Variants in NSMCE1 observed in about 807,000 individuals in gnomAD.
The protein encoded by NSMCE1 is non-structural maintenance of chromosomes element 1 homolog.
In NSMCE1, 18 loss-of-function variants were observed where a neutral mutation model predicts 29.6. That is an observed-to-expected ratio of 0.61 (90% CI 0.42 to 0.90). The LOEUF is 0.90. NSMCE1 is among the 40% of genes least tolerant of loss of function. The pLI is 0.00. For missense variants in NSMCE1, 314 were observed against 343.6 expected (o/e 0.91, Z 0.68); for synonymous variants, 124 against 133.4 (o/e 0.93, Z 0.49).
chr16:27,234,939 GC>G (rs2083802698), intron 3 of NSMCE1, among the ~76,000 whole-genome samples: 1 of 152,196 alleles, frequency 6.6e-6, no homozygotes, highest in African/African-American at 2.4e-5. Context: ...ACCACTGAAG[GC>G]CCCACCCACA....
intron 2 of NSMCE1, among the ~76,000 whole-genome samples, chr16:27,249,890 T>C (rs1464514793): frequency 1.3e-5 from 2 of 152,250 alleles, no homozygotes; most frequent in Admixed American, 6.5e-5. Flanking sequence ...TCCCAGCCCA[T>C]GAACATGCTA....
chr16:27,232,797 A>G lies in NSMCE1; in HGVS notation c.483+204T>C, dbSNP rs1436847127. Among the ~76,000 whole-genome samples, 2 of 152,350 alleles carry G rather than the reference A, an allele frequency of 1.3e-5. No individual in the cohort carries two copies. The highest frequency in any genetic ancestry group is 3.9e-4 in the East Asian group (2 of 5,188). On this transcript the variant is annotated intron_variant, in intron 5 of 7. Coordinates refer to ENST00000361439, the MANE Select transcript of NSMCE1 (RefSeq NM_145080.4). This position sits in a 1 kb window ranked among gnomAD's most constrained non-coding sequence, Gnocchi z 4.5. ...CTGGCTGTGGCATCCTGAACACATC[A>G]TCTGGGTGAACGGGGAGTGGGAGGC...
At chr16:27,226,590 G>C (rs1014346410) in intron 6 of NSMCE1, 130 bp downstream of exon 6, 1 of 633,378 alleles carries the variant, frequency 1.6e-6, no homozygotes, top group African/African-American at 1.8e-5. Context: ...GCCTCCGCCA[G>C]CTCTTGTGGG....
Position 27,225,781 on chromosome 16 carries a change from C to T in NSMCE1, c.666G>A (p.Ser222=), listed in dbSNP as rs761208849. The change falls in exon 7 of 8, where the codon TCG becomes TCA. Residue 222 remains serine, a synonymous_variant. Coordinates refer to ENST00000361439, the MANE Select transcript of NSMCE1 (RefSeq NM_145080.4). ...HLPCVAKYFQ[S]NAEPRCPHCN... Reference sequence around the variant, plus strand: ...AGTGGGGGCAGCGCGGTTCAGCATTCGACTGGAAGTACTTGGCCACGCAGG... The same window carrying T: ...AGTGGGGGCAGCGCGGTTCAGCATTTGACTGGAAGTACTTGGCCACGCAGG... 3.5e-5 allele frequency: 57 copies of T among 1,614,042 alleles called. No individual in the cohort carries two copies. In the South Asian group the frequency reaches 4.7e-4, roughly 13 times the overall value.
In NSMCE1 at chr16:27,257,476, T is replaced by A. The variant is rs772061271; in HGVS notation, c.95A>T (p.Asp32Val). ...LMTHGVLEEWDVKRLQTHCYK... is the reference protein window; with the variant it reads ...LMTHGVLEEWVVKRLQTHCYK... ...GCAGTGCGTCTGCAAGCGCTTCACG[T>A]CCCATTCCTCTAGCACGCCATGGGT... is the stretch of plus-strand genomic sequence containing the variant. The change falls in exon 2 of 8, where the codon GAC (aspartate) becomes GTC (valine). Residue 32 changes from aspartate to valine, a missense_variant. By Grantham distance (152) the Asp-to-Val change is radical. Coordinates refer to ENST00000361439, the MANE Select transcript of NSMCE1 (RefSeq NM_145080.4). 2.9e-5 allele frequency: 47 copies of A among 1,613,922 alleles called. No individual in the cohort carries two copies. Among genetic ancestry groups the A allele is most frequent in the Non-Finnish European group, 3.9e-5 (46 of 1,179,928 alleles).
intron 1 of NSMCE1, chr16:27,268,341 A>C (rs2084251524): frequency 6.6e-6 from 1 of 152,260 alleles, no homozygotes; most frequent in Non-Finnish European, 1.5e-5. Context: ...ATGTAATCAC[A>C]GTTTGAATCG....
chr16:27,228,463 C>T (rs1014776109), intron 5 of NSMCE1, among the ~76,000 whole-genome samples: 2 of 152,042 alleles, frequency 1.3e-5, no homozygotes, highest in African/African-American at 2.4e-5. Flanking sequence ...TCCATCATGG[C>T]ACCCCACCTC....
In NSMCE1 at chr16:27,257,158, C is replaced by A. The variant is rs1481047429; in HGVS notation, c.136+277G>T. On this transcript the variant is annotated intron_variant, in intron 2 of 7. Transcript: ENST00000361439. ...TATCCTCACTTTACAGATACAGAAA[C>A]TGAGGCTGGGGCAGGTCCTGGAGGC... is the stretch of plus-strand genomic sequence containing the variant. 2.6e-5 allele frequency among the ~76,000 whole-genome samples: 4 copies of A among 152,200 alleles called. No individual in the cohort carries two copies. The East Asian group carries it at 7.7e-4, about 29-fold the overall frequency.
At chr16:27,267,268 A>T (rs1252122600) in intron 1 of NSMCE1, among the ~76,000 whole-genome samples, 6 of 152,208 alleles carry the variant, frequency 3.9e-5, no homozygotes, top group Non-Finnish European at 8.8e-5. Flanking sequence ...TTAAAATAGA[A>T]ATGTTTGTGG....
In NSMCE1 at chr16:27,232,237, C is replaced by G. The variant is rs1378013433; in HGVS notation, c.483+764G>C. 6.6e-6 allele frequency among the ~76,000 whole-genome samples: 1 copy of G among 152,186 alleles called. No individual in the cohort carries two copies. The highest frequency in any genetic ancestry group is 2.1e-4 in the South Asian group (1 of 4,824). Reference sequence around the variant, plus strand: ...CCTCAACACACATGGGCACAAGCACCTGGGAGGCACAGCTGTGGTCAACTC... The same window carrying G: ...CCTCAACACACATGGGCACAAGCACGTGGGAGGCACAGCTGTGGTCAACTC... On this transcript the variant is annotated intron_variant, in intron 5 of 7. Transcript: ENST00000361439. This position sits in a 1 kb window ranked among gnomAD's most constrained non-coding sequence, Gnocchi z 4.5.
intron 5 of NSMCE1, 112 bp from the exon 6 acceptor site, chr16:27,226,948 C>CAAGACAAAAGTTGGTG (rs1567271087): frequency 1.3e-5 from 9 of 717,324 alleles, no homozygotes; most frequent in Admixed American, 2.2e-5. Flanking sequence ...CAAGGGTCTA[C>CAAGACAAAAGTTGGTG]GCAGCTTTTC....
chr16:27,261,128 T>C lies in NSMCE1; in HGVS notation c.-11-3547A>G, dbSNP rs537017655. Among the ~76,000 whole-genome samples the C allele has an allele frequency of 4.2e-5, 6 of 143,790 alleles. No homozygotes were observed. In the East Asian group the frequency reaches 6.2e-4, roughly 15 times the overall value. The allele number at this position is 143,790 out of a possible 152,430, so 94.3% of individuals were successfully genotyped here. ...GTTGCAGCGAGCTGAGATGGCACCA[T>C]TGCACTCCAGCCTGGGTGACAAAGC... On this transcript the variant is annotated intron_variant, in intron 1 of 7. Coordinates refer to ENST00000361439, the MANE Select transcript of NSMCE1 (RefSeq NM_145080.4).
intron 1 of NSMCE1, among the ~76,000 whole-genome samples, chr16:27,261,802 A>G (rs1368424459): frequency 6.6e-6 from 1 of 152,270 alleles, no homozygotes; most frequent in Non-Finnish European, 1.5e-5. Context: ...ACACAGCTAC[A>G]GTATGTCCTA....
rs371500174 is a variant in NSMCE1, at chr16:27,225,790, G to A, written c.657C>T (p.Tyr219=). 6.2e-7 allele frequency: 1 copy of A among 1,614,092 alleles called. No individual in the cohort carries two copies. Among genetic ancestry groups the A allele is most frequent in the Non-Finnish European group, 8.5e-7 (1 of 1,180,044 alleles). ...AGCGCGGTTCAGCATTCGACTGGAA[G>A]TACTTGGCCACGCAGGGTAAGTGCA... ...IRMHLPCVAK[Y]FQSNAEPRCP... The change falls in exon 7 of 8, where the codon TAC becomes TAT. Residue 219 remains tyrosine, a synonymous_variant. Transcript: ENST00000361439.
intron 1 of NSMCE1, among the ~76,000 whole-genome samples, chr16:27,265,181 T>TTTTTC (rs1216232064): frequency 7.5e-5 from 11 of 146,876 alleles, no homozygotes; most frequent in Admixed American, 2.7e-4. Context: ...TTTTTTTTTT[T>TTTTTC]TTTTGAGACA....
At chr16:27,249,122 G>A (rs547179366) in intron 2 of NSMCE1, among the ~76,000 whole-genome samples, 55 of 152,198 alleles carry the variant, frequency 3.6e-4, no homozygotes, top group Non-Finnish European at 7.1e-4. Context: ...GAGCCACCAC[G>A]CCCAGCCGGG....
At chr16:27,230,846 G>C (rs935447996) in intron 5 of NSMCE1, 4 of 152,360 alleles carry the variant, frequency 2.6e-5, no homozygotes, top group Non-Finnish European at 4.4e-5. Flanking sequence ...CACTGCCACC[G>C]AACTGAGAAA....
At chr16:27,255,671 C>T (rs2084079431) in intron 2 of NSMCE1, among the ~76,000 whole-genome samples, 1 of 152,192 alleles carries the variant, frequency 6.6e-6, no homozygotes, top group African/African-American at 2.4e-5. Context: ...GCTTCTTCTC[C>T]GTCTAACACG....
intron 2 of NSMCE1, among the ~76,000 whole-genome samples, chr16:27,246,545 C>T (rs1336906533): frequency 6.6e-6 from 1 of 152,184 alleles, no homozygotes. Flanking sequence ...AGCTGGAGTG[C>T]ACTGGCATGA....
Sources: gnomAD v4.1 joint callset for allele counts (sites outside exome capture counted in the v4.1 genomes callset) on GRCh38, gnomAD v4.1.1 for gene constraint, Gnocchi (gnomAD v3.1) non-coding constraint, MANE v1.5 for transcripts, NCBI Gene and HGNC (gene_info 2026-07-23, HGNC 2026-07-21) for gene names.